MAPKAP1: variants seen among roughly 807,000 people sequenced by gnomAD.
MAPKAP1 encodes the protein MAPK associated protein 1, also known as target of rapamycin complex 2 subunit MAPKAP1.
A neutral mutation model predicts 65.7 loss-of-function variants in MAPKAP1; 20 were observed. The observed-to-expected ratio is 0.30, with a 90% CI of 0.21 to 0.44. The LOEUF (loss-of-function observed/expected upper bound fraction) is 0.44. Among genes scored for constraint, MAPKAP1 ranks in the 20% least tolerant of loss-of-function variants. MAPKAP1 has a pLI of 1.00. For synonymous variants in MAPKAP1, 222 were observed against 244.3 expected (o/e 0.91, Z 0.85); for missense variants, 423 against 648.0 (o/e 0.65, Z 3.77).
At chr9:125,622,138 T>A (rs1443144204) in intron 4 of MAPKAP1, among the ~76,000 whole-genome samples, 1 of 152,030 alleles carries the variant, frequency 6.6e-6, no homozygotes, top group Non-Finnish European at 1.5e-5. Context: ...CTGGGAGAAG[T>A]ATGGGGAGAT....
chr9:125,623,790 C>G (rs1411289784), intron 4 of MAPKAP1, among the ~76,000 whole-genome samples: 5 of 51,788 alleles, frequency 9.7e-5, no homozygotes, highest in African/African-American at 2.5e-4. Context: ...CCAGCCGTGC[C>G]GTCCGGGAGG....
At chr9:125,543,023 T>C (rs1398517155) in intron 7 of MAPKAP1, 36 bp downstream of exon 7, 1 of 1,380,586 alleles carries the variant, frequency 7.2e-7, no homozygotes. Flanking sequence ...AGGGTTAAGC[T>C]TCTACTACTG....
chr9:125,705,528 C>G (rs560616852), intron 1 of MAPKAP1, among the ~76,000 whole-genome samples: 6 of 152,294 alleles, frequency 3.9e-5, no homozygotes, highest in Non-Finnish European at 8.8e-5. Context: ...ATTCATTTCC[C>G]TTATCTCTCT....
chr9:125,600,530 A>G (rs183614951), intron 4 of MAPKAP1, among the ~76,000 whole-genome samples: 2 of 152,364 alleles, frequency 1.3e-5, no homozygotes, highest in African/African-American at 4.8e-5. Context: ...TCCTCTGTGA[A>G]CTGCAAACTA....
At chr9:125,663,263 T>G (rs1196129037) in intron 3 of MAPKAP1, among the ~76,000 whole-genome samples, 1 of 152,256 alleles carries the variant, frequency 6.6e-6, no homozygotes, top group Non-Finnish European at 1.5e-5. Context: ...CTTGTTATTC[T>G]ATTTTTTGAA....
intron 9 of MAPKAP1, chr9:125,471,833 C>A (rs1853937733): frequency 6.6e-6 from 1 of 152,294 alleles, no homozygotes. Flanking sequence ...TCATTCAGTA[C>A]AATTTTCTCC....
intron 4 of MAPKAP1, among the ~76,000 whole-genome samples, chr9:125,631,686 G>A (rs1235683477): frequency 6.6e-6 from 1 of 152,136 alleles, no homozygotes; most frequent in African/African-American, 2.4e-5. Flanking sequence ...TCTTGATCAA[G>A]CCTCGTCTCT....
At chr9:125,496,297 T>A (rs962977879) in intron 8 of MAPKAP1, among the ~76,000 whole-genome samples, 2 of 152,224 alleles carry the variant, frequency 1.3e-5, no homozygotes, top group Admixed American at 6.5e-5. Context: ...TTATGCAATA[T>A]CGACTTGGAT....
chr9:125,477,456 A>C (rs1280800467), intron 9 of MAPKAP1, among the ~76,000 whole-genome samples: 1 of 152,236 alleles, frequency 6.6e-6, no homozygotes, highest in East Asian at 1.9e-4. Context: ...TGTGTCCCCT[A>C]AACACCACAA....
intron 7 of MAPKAP1, among the ~76,000 whole-genome samples, chr9:125,540,181 C>T (rs1452101039): frequency 6.6e-6 from 1 of 152,194 alleles, no homozygotes; most frequent in African/African-American, 2.4e-5. Flanking sequence ...AGTTCCTTTG[C>T]TCAAGCAAAT....
At chr9:125,448,647 AACAGGGTTAAGTC>A (rs1412289580) in intron 10 of MAPKAP1, among the ~76,000 whole-genome samples, 1 of 152,172 alleles carries the variant, frequency 6.6e-6, no homozygotes, top group African/African-American at 2.4e-5. Flanking sequence ...TTTTCATAGG[AACAGGGTTAAGTC>A]ACAGGAGCAA....
chr9:125,468,023 T>C lies in MAPKAP1; in HGVS notation c.1294A>G (p.Ile432Val), dbSNP rs766806809. The C allele has an allele frequency of 8.7e-6, 14 of 1,614,146 alleles. No individual in the cohort carries two copies. The highest frequency in any genetic ancestry group is 6.7e-5 in the East Asian group (3 of 44,890). The change falls in exon 10 of 12, where the codon ATC (isoleucine) becomes GTC (valine). Residue 432 changes from isoleucine (I) to valine (V), a missense_variant. Coordinates refer to ENST00000265960, the MANE Select transcript of MAPKAP1 (RefSeq NM_001006617.3). ...KFWIKQKPISIDSDLLCACDL... is the reference protein window; with the variant it reads ...KFWIKQKPISVDSDLLCACDL... ...CAGGCACAGAGCAGGTCGGAATCGA[T>C]TGAGATGGGTTTCTGCTTAATCCAA...
chr9:125,488,989 T>C (rs534895952), intron 8 of MAPKAP1, among the ~76,000 whole-genome samples: 122 of 152,360 alleles, frequency 8.0e-4, no homozygotes, highest in Non-Finnish European at 1.5e-3. Context: ...ACTGTTTGTA[T>C]CTTTCCAGAA....
chr9:125,589,401 T>G (rs1831886545), intron 4 of MAPKAP1, among the ~76,000 whole-genome samples: 1 of 152,220 alleles, frequency 6.6e-6, no homozygotes, highest in Admixed American at 6.5e-5. Flanking sequence ...TGCCTGGCCC[T>G]GTACCTGGCA....
At chr9:125,528,403 C>T (rs530137734) in intron 7 of MAPKAP1, among the ~76,000 whole-genome samples, 1 of 152,330 alleles carries the variant, frequency 6.6e-6, no homozygotes, top group East Asian at 1.9e-4. Context: ...TTCTCCCTGC[C>T]TGCATCAAGG....
At chr9:125,683,148 G>T (rs2131827650) in intron 1 of MAPKAP1, among the ~76,000 whole-genome samples, 1 of 152,052 alleles carries the variant, frequency 6.6e-6, no homozygotes, top group Middle Eastern at 3.4e-3. Flanking sequence ...AGTAGAGATG[G>T]AGTTTCACTA....
intron 6 of MAPKAP1, among the ~76,000 whole-genome samples, chr9:125,545,727 CTTTTAAAAGA>C (rs1284690953): frequency 6.6e-6 from 1 of 152,102 alleles, no homozygotes; most frequent in Non-Finnish European, 1.5e-5. Flanking sequence ...TAAAAGTGTC[CTTTTAAAAGA>C]TTTTTGAGCA....
intron 8 of MAPKAP1, among the ~76,000 whole-genome samples, chr9:125,496,394 C>A (rs1191182443): frequency 6.6e-6 from 1 of 152,232 alleles, no homozygotes; most frequent in Admixed American, 6.5e-5. Context: ...GCAATAACAA[C>A]CTAAAATATG....
intron 7 of MAPKAP1, chr9:125,521,869 A>G: frequency 1.0e-6 from 1 of 982,206 alleles, no homozygotes; most frequent in Non-Finnish European, 1.6e-6. Context: ...GTGGAGAGCA[A>G]GCTTAGAGCC....
Sources: allele counts gnomAD v4.1 joint callset (sites outside exome capture counted in the v4.1 genomes callset), GRCh38; gene constraint gnomAD v4.1.1; transcripts MANE v1.5; gene names NCBI Gene and HGNC (gene_info 2026-07-23, HGNC 2026-07-21).